SORCS2: variants seen among roughly 807,000 people sequenced by gnomAD.
The protein encoded by SORCS2 is VPS10 domain-containing receptor SorCS2.
Under a neutral mutation model 141.6 loss-of-function variants are expected in SORCS2, and 100 were observed. The ratio of observed to expected loss-of-function variants is 0.71; its 90% CI spans 0.60 to 0.83. The LOEUF (loss-of-function observed/expected upper bound fraction) is 0.83, where lower values mean the gene tolerates loss of function less well. SORCS2 is among the 40% of genes least tolerant of loss of function. The pLI is 0.00. For missense variants in SORCS2, 1,646 were observed against 1,560.2 expected, an observed-to-expected ratio of 1.05 and a Z score of -0.93; for synonymous variants, 789 against 676.9, an observed-to-expected ratio of 1.17 and a Z score of -2.57.
chr4:7,564,677 A>G (rs981287721), intron 3 of SORCS2, among the ~76,000 whole-genome samples: 1 of 152,140 alleles, frequency 6.6e-6, no homozygotes, highest in Non-Finnish European at 1.5e-5. Flanking sequence ...CTGTGCTGGG[A>G]TTTGAACCCA....
At chr4:7,594,079 A>G (rs779671255) in intron 3 of SORCS2, among the ~76,000 whole-genome samples, 3 of 152,118 alleles carry the variant, frequency 2.0e-5, no homozygotes, top group Non-Finnish European at 2.9e-5. Context: ...AAATGAAAGC[A>G]CCCAATTCCT....
At position 7,378,696 on chromosome 4, in the gene SORCS2, C is replaced by A. The variant is rs150215624; in HGVS notation, c.481-17592C>A. ...CCAACCATAGCAGGTTCCTCCCCCC[C>A]ACACTGCTACCAGAACACCTGTGTG... On this transcript the variant is annotated intron_variant, in intron 1 of 26. Transcript: ENST00000507866. Among the ~76,000 whole-genome samples, 1,215 of 152,298 alleles carry A rather than the reference C, an allele frequency of 8.0e-3. 11 individuals are homozygous for A. The highest frequency in any genetic ancestry group is 0.01 in the Admixed American group (159 of 15,294).
Position 7,387,742 on chromosome 4 carries a change from GCA to G in SORCS2, c.481-8539_481-8538del, listed in dbSNP as rs537178247. Among the ~76,000 whole-genome samples the G allele has an allele frequency of 4.5e-3, 468 of 103,556 alleles. 1 individual carries two copies. The highest frequency in any genetic ancestry group is 0.018 in the African/African-American group (443 of 24,484). 67.9% of individuals were successfully genotyped at this position (103,556 alleles called of 152,430 possible). ...CACACACATACACATTTGCACACAT[GCA>G]CACACAGATACACAGAAATACACAC... On this transcript the variant is annotated intron_variant, in intron 1 of 26. Coordinates refer to ENST00000507866, the MANE Select transcript of SORCS2 (RefSeq NM_020777.3).
intron 1 of SORCS2, among the ~76,000 whole-genome samples, chr4:7,293,491 G>A (rs1175339629): frequency 6.6e-6 from 1 of 152,102 alleles, no homozygotes; most frequent in Non-Finnish European, 1.5e-5. Context: ...TGATCCCTCT[G>A]CTGTTGGTTA....
rs79015635 is a variant in SORCS2 at position 7,571,756 on chromosome 4, C to G, written c.648+40127C>G. Among the ~76,000 whole-genome samples, 71 of 152,212 alleles carry G rather than the reference C, an allele frequency of 4.7e-4. No individual in the cohort carries two copies. In the East Asian group the frequency reaches 0.014, roughly 29 times the overall value. ...GGCCAGCAGCTTCAAAGCCTCAGCACCAAGCGACGTTGAATTATGGACGTC... is the reference window on the plus strand; with the variant it reads ...GGCCAGCAGCTTCAAAGCCTCAGCAGCAAGCGACGTTGAATTATGGACGTC... On this transcript the variant is annotated intron_variant, in intron 3 of 26. Transcript: ENST00000507866.
chr4:7,495,737 G>C (rs13119122), intron 2 of SORCS2, among the ~76,000 whole-genome samples: 33,074 of 152,172 alleles, frequency 0.22, 4,531 homozygotes, highest in Middle Eastern at 0.36. Flanking sequence ...CCTGATGCCT[G>C]GGCCTAGGCT....
At chr4:7,645,997 A>G (rs1001091816) in intron 4 of SORCS2, among the ~76,000 whole-genome samples, 1 of 152,224 alleles carries the variant, frequency 6.6e-6, no homozygotes, top group African/African-American at 2.4e-5. Context: ...CCTTTACAGA[A>G]TGCACTTACC....
intron 2 of SORCS2, among the ~76,000 whole-genome samples, chr4:7,418,700 T>C (rs1329563149): frequency 1.5e-5 from 1 of 68,488 alleles, no homozygotes; most frequent in Non-Finnish European, 3.0e-5. Flanking sequence ...GCGTAACAAA[T>C]GACCCCCCCC....
At chr4:7,340,035 C>T (rs112344027) in intron 1 of SORCS2, among the ~76,000 whole-genome samples, 140 of 152,312 alleles carry the variant, frequency 9.2e-4, no homozygotes, top group African/African-American at 2.9e-3. Flanking sequence ...TAGGAGGCCA[C>T]GTATGAAGGG....
chr4:7,536,358 C>T (rs756033022), intron 3 of SORCS2, among the ~76,000 whole-genome samples: 21 of 152,306 alleles, frequency 1.4e-4, no homozygotes, highest in Non-Finnish European at 2.4e-4. Flanking sequence ...AGTGGGAACT[C>T]GGGCTGATTT....
chr4:7,308,300 C>T (rs1273231959), intron 1 of SORCS2, among the ~76,000 whole-genome samples: 3 of 152,202 alleles, frequency 2.0e-5, no homozygotes, highest in Non-Finnish European at 4.4e-5. Context: ...CCTCCAACCC[C>T]CTGCCCCTTC....
chr4:7,375,438 GGGGCCATCAGCA>G (rs1341241191), intron 1 of SORCS2, among the ~76,000 whole-genome samples: 1 of 152,184 alleles, frequency 6.6e-6, no homozygotes, highest in Non-Finnish European at 1.5e-5. Context: ...GCAGCGTTGC[GGGGCCATCAGCA>G]GGATACCGCG....
At chr4:7,672,582 A>G (rs1188830497) in intron 8 of SORCS2, among the ~76,000 whole-genome samples, 9 of 152,226 alleles carry the variant, frequency 5.9e-5, no homozygotes, top group Non-Finnish European at 1.5e-5. Flanking sequence ...AACATAATAA[A>G]CAATACTATG....
At chr4:7,651,693 C>T (rs1721457297) in intron 4 of SORCS2, among the ~76,000 whole-genome samples, 1 of 152,206 alleles carries the variant, frequency 6.6e-6, no homozygotes, top group Non-Finnish European at 1.5e-5. Context: ...AAGAAGCCTG[C>T]AGTTTATGTA....
chr4:7,500,804 C>A (rs547922007), intron 2 of SORCS2, among the ~76,000 whole-genome samples: 1 of 152,328 alleles, frequency 6.6e-6, no homozygotes, highest in East Asian at 1.9e-4. Flanking sequence ...GGAGCCTCAG[C>A]GACCTCCATG....
intron 3 of SORCS2, among the ~76,000 whole-genome samples, chr4:7,628,739 G>A (rs1029318554): frequency 1.3e-5 from 2 of 152,090 alleles, no homozygotes; most frequent in African/African-American, 4.8e-5. Context: ...GGGGCTTCCC[G>A]CGGTGGGAGC....
intron 1 of SORCS2, among the ~76,000 whole-genome samples, chr4:7,371,332 C>G (rs573748349): frequency 6.6e-6 from 1 of 152,156 alleles, no homozygotes; most frequent in African/African-American, 2.4e-5. Context: ...TCTGAAGTGA[C>G]GCTGCCGGGC....
intron 12 of SORCS2, among the ~76,000 whole-genome samples, chr4:7,698,031 G>A (rs375921872): frequency 6.6e-6 from 1 of 152,068 alleles, no homozygotes; most frequent in African/African-American, 2.4e-5. Context: ...AGGGATGCCA[G>A]TCGGTACCAC....
intron 2 of SORCS2, among the ~76,000 whole-genome samples, chr4:7,406,374 T>TA (rs1246692000): frequency 1.3e-5 from 2 of 151,530 alleles, no homozygotes; most frequent in Non-Finnish European, 3.0e-5. Flanking sequence ...TAGGCTTTTT[T>TA]TTTTTTGATA....
Sources: allele counts gnomAD v4.1 joint callset (sites outside exome capture counted in the v4.1 genomes callset), GRCh38; gene constraint gnomAD v4.1.1; transcripts MANE v1.5; gene names NCBI Gene and HGNC (gene_info 2026-07-23, HGNC 2026-07-21).